The following CLVS1 variants were observed in gnomAD, a reference collection of about 807,000 sequenced individuals.
The protein encoded by CLVS1 is clavesin-1.
Under a neutral mutation model 33.1 loss-of-function variants are expected in CLVS1, and 10 were observed. The observed-to-expected ratio is 0.30, with a 90% confidence interval of 0.19 to 0.51. The LOEUF (loss-of-function observed/expected upper bound fraction) is 0.51. CLVS1 is among the 20% of genes least tolerant of loss of function. The pLI is 0.97. For missense variants in CLVS1, 343 were observed against 433.4 expected, an observed-to-expected ratio of 0.79 and a Z score of 1.85; for synonymous variants, 163 against 166.1, an observed-to-expected ratio of 0.98 and a Z score of 0.14.
chr8:61,299,926 G>T lies in CLVS1; in HGVS notation c.99G>T (p.Glu33Asp), dbSNP rs765680966. The T allele has an allele frequency of 6.2e-7, 1 of 1,613,900 alleles. No homozygotes were observed. The highest frequency in any genetic ancestry group is 8.5e-7 in the Non-Finnish European group (1 of 1,179,966). ...MTHLQAGLSPETIEKARLELN... is the reference protein window; with the variant it reads ...MTHLQAGLSPDTIEKARLELN... ...ATTTACAGGCTGGACTCAGTCCAGA[G>T]ACTATAGAGAAAGCTCGCCTGGAAC... Residue 33 changes from glutamate to aspartate, a missense_variant, in exon 2 of 6, where the codon GAG (glutamate) becomes GAT (aspartate). Transcript: ENST00000325897.
intron 1 of CLVS1, among the ~76,000 whole-genome samples, chr8:61,098,895 G>A (rs1563402065): frequency 1.3e-5 from 2 of 152,120 alleles, no homozygotes; most frequent in African/African-American, 4.8e-5. Flanking sequence ...GCAAAAAAAA[G>A]TTTTTTTATT....
chr8:61,108,033 C>T (rs1052424920), intron 1 of CLVS1, among the ~76,000 whole-genome samples: 2 of 151,798 alleles, frequency 1.3e-5, no homozygotes, highest in Admixed American at 6.6e-5. Flanking sequence ...TTTGGGAGGT[C>T]GAGGTGGGCA....
rs545567480 is a variant in CLVS1, at chr8:61,500,988, T to C, written c.*1446T>C. ...TCTAATGTTTTAATTTTTTCCCCTA[T>C]TGGTAGAGAACAATAACAGAAGTAA... On this transcript the variant is annotated 3_prime_UTR_variant, in exon 6 of 6. Coordinates refer to ENST00000325897, the MANE Select transcript of CLVS1 (RefSeq NM_173519.3). The C allele has an allele frequency of 5.3e-5, 8 of 152,158 alleles. No individual in the cohort carries two copies. Among genetic ancestry groups the C allele is most frequent in the Non-Finnish European group, 8.8e-5 (6 of 68,024 alleles). The allele number at this position is 152,158 out of a possible 1,614,324, so 9.4% of individuals were successfully genotyped here. A position where few individuals can be genotyped will look rare whatever the true frequency, so the allele number is the denominator to read the frequency against.
At chr8:61,056,829 A>G (rs553216011), upstream of CLVS1, among the ~76,000 whole-genome samples, 1 of 152,336 alleles carries the variant, frequency 6.6e-6, no homozygotes, top group South Asian at 2.1e-4. Context: ...TAAGTTAGAT[A>G]TTGAAGGAGA....
intron 3 of CLVS1, among the ~76,000 whole-genome samples, chr8:61,434,415 A>G (rs1816235653): frequency 6.6e-6 from 1 of 152,246 alleles, no homozygotes; most frequent in South Asian, 2.1e-4. Context: ...GAAGAGATTT[A>G]TTCTGAGCCA....
the CLVS1 span, among the ~76,000 whole-genome samples, chr8:60,998,051 A>G: frequency 6.6e-6 from 1 of 152,120 alleles, no homozygotes; most frequent in African/African-American, 2.4e-5. Flanking sequence ...AAACAGATGC[A>G]CTGAGTTTGT....
At chr8:61,010,506 G>T in the CLVS1 span, among the ~76,000 whole-genome samples, 59 of 152,260 alleles carry the variant, frequency 3.9e-4, no homozygotes, top group African/African-American at 1.4e-3. Context: ...ATTTTTATTT[G>T]CCAAGTTTGG....
chr8:61,437,665 C>T (rs531776262), intron 3 of CLVS1, among the ~76,000 whole-genome samples: 39 of 152,146 alleles, frequency 2.6e-4, no homozygotes, highest in Non-Finnish European at 5.1e-4. Context: ...TCATTCTGTT[C>T]CAATAACAAC....
At chr8:61,306,151 A>G (rs1256798857) in intron 2 of CLVS1, among the ~76,000 whole-genome samples, 1 of 152,172 alleles carries the variant, frequency 6.6e-6, no homozygotes, top group African/African-American at 2.4e-5. Context: ...TTACAGTTTC[A>G]CCAACAGTGT....
At position 61,493,025 on chromosome 8, in the gene CLVS1, A is replaced by G. The variant is rs78698523; in HGVS notation, c.978-6430A>G. Among the ~76,000 whole-genome samples the G allele has an allele frequency of 6.5e-3, 995 of 152,354 alleles. 13 individuals are homozygous for G. The highest frequency in any genetic ancestry group is 0.023 in the African/African-American group (945 of 41,582). ...GAAACGTCGTAGCTTTACACAGTTG[A>G]AAACAACCATAACTATATTGCACTG... On this transcript the variant is annotated intron_variant, in intron 5 of 5. Transcript: ENST00000325897.
In CLVS1 at chr8:61,157,147, C is replaced by T. The variant is rs538252550; in HGVS notation, c.-152+25287C>T. On this transcript the variant is annotated intron_variant, in intron 2 of 2. Transcript: ENST00000522621. ...GGTATAAAGGCACTCTAGCTTGTGT[C>T]AGTTACCTCCCTAAGCTGAACTCTG... 2.0e-4 allele frequency among the ~76,000 whole-genome samples: 31 copies of T among 152,288 alleles called. 1 individual carries two copies. The highest frequency in any genetic ancestry group is 3.8e-4 in the Non-Finnish European group (26 of 68,018).
At chr8:61,455,620 T>A (rs1475707048) in intron 4 of CLVS1, among the ~76,000 whole-genome samples, 2 of 152,232 alleles carry the variant, frequency 1.3e-5, no homozygotes, top group Non-Finnish European at 2.9e-5. Flanking sequence ...TGTATCCATA[T>A]CTTGGCTATT....
chr8:61,397,169 C>G (rs1186287951), intron 3 of CLVS1, among the ~76,000 whole-genome samples: 1 of 152,046 alleles, frequency 6.6e-6, no homozygotes, highest in Non-Finnish European at 1.5e-5. Flanking sequence ...TGTGAGAGCT[C>G]CAATTTCTCT....
At chr8:61,407,057 CA>C (rs1815021747) in intron 3 of CLVS1, among the ~76,000 whole-genome samples, 1 of 152,142 alleles carries the variant, frequency 6.6e-6, no homozygotes, top group Non-Finnish European at 1.5e-5. Flanking sequence ...AGACACAGAT[CA>C]AAGGGATTTA....
At chr8:61,338,074 A>C (rs1811870578) in intron 2 of CLVS1, among the ~76,000 whole-genome samples, 1 of 152,148 alleles carries the variant, frequency 6.6e-6, no homozygotes. Context: ...AACAATGTTC[A>C]GTCTTTATGT....
At chr8:61,269,783 T>A (rs1809395840) in intron 2 of CLVS1, among the ~76,000 whole-genome samples, 2 of 150,012 alleles carry the variant, frequency 1.3e-5, no homozygotes, top group Admixed American at 1.3e-4. Context: ...GAAGCAATTG[T>A]GAATGGGAGT....
chr8:61,320,785 C>G (rs1342383720), intron 2 of CLVS1, among the ~76,000 whole-genome samples: 1 of 152,132 alleles, frequency 6.6e-6, no homozygotes, highest in African/African-American at 2.4e-5. Context: ...AAAGGCTCCA[C>G]CTTCTAATTC....
intron 2 of CLVS1, among the ~76,000 whole-genome samples, chr8:61,351,998 C>A (rs1284930570): frequency 2.6e-5 from 4 of 151,926 alleles, no homozygotes; most frequent in Non-Finnish European, 5.9e-5. Context: ...GAAGAAGGAA[C>A]AAGAGGAAGA....
At chr8:61,167,603 A>G (rs1806902178) in intron 2 of CLVS1, among the ~76,000 whole-genome samples, 1 of 152,114 alleles carries the variant, frequency 6.6e-6, no homozygotes, top group Non-Finnish European at 1.5e-5. Flanking sequence ...AACTACAGCA[A>G]CTCCGTCTTG....
Sources: gnomAD v4.1 joint callset for allele counts (sites outside exome capture counted in the v4.1 genomes callset) on GRCh38, gnomAD v4.1.1 for gene constraint, MANE v1.5 for transcripts, NCBI Gene and HGNC (gene_info 2026-07-23, HGNC 2026-07-21) for gene names.